CLYBL: variants seen among roughly 807,000 people sequenced by gnomAD.
CLYBL encodes citramalyl-CoA lyase, mitochondrial.
In CLYBL, 31 loss-of-function variants were observed where a neutral mutation model predicts 38.9. The observed-to-expected ratio is 0.80, with a 90% CI of 0.60 to 1.08. The LOEUF (loss-of-function observed/expected upper bound fraction) is 1.08, where lower values mean the gene tolerates loss of function less well. Ranked by LOEUF, CLYBL falls within the 50% of genes least tolerant of loss-of-function variation. CLYBL has a pLI of 0.00. For synonymous variants in CLYBL, 171 were observed against 158.6 expected, an observed-to-expected ratio of 1.08 and a Z score of -0.59; for missense variants, 434 against 411.6, an observed-to-expected ratio of 1.05 and a Z score of -0.47.
intron 2 of CLYBL, among the ~76,000 whole-genome samples, chr13:99,853,265 A>G (rs557064304): frequency 5.3e-5 from 8 of 152,160 alleles, no homozygotes; most frequent in African/African-American, 1.9e-4. Context: ...TACCAATTAT[A>G]TATTATAAGC....
chr13:99,767,629 A>G (rs1271319654), intron 1 of CLYBL, among the ~76,000 whole-genome samples: 1 of 151,684 alleles, frequency 6.6e-6, no homozygotes, highest in African/African-American at 2.4e-5. Flanking sequence ...TTTAGGCTCT[A>G]TTCACTTCTC....
chr13:99,760,286 C>T (rs1008853696), intron 1 of CLYBL, among the ~76,000 whole-genome samples: 4 of 152,114 alleles, frequency 2.6e-5, no homozygotes, highest in African/African-American at 4.8e-5. Context: ...CATTGATTTT[C>T]TCTGTTGCTT....
chr13:99,857,395 G>GGAATAAAAC (rs1269268476), intron 2 of CLYBL, among the ~76,000 whole-genome samples: 2 of 150,918 alleles, frequency 1.3e-5, no homozygotes, highest in African/African-American at 4.9e-5. Flanking sequence ...TTATATCTAT[G>GGAATAAAAC]GAATAAAACA....
chr13:99,787,555 C>T (rs1290329657), intron 2 of CLYBL, among the ~76,000 whole-genome samples: 1 of 152,178 alleles, frequency 6.6e-6, no homozygotes, highest in Admixed American at 6.5e-5. Flanking sequence ...TTCCATTGGT[C>T]TGTATCTCTG....
At chr13:99,654,807 C>CA (rs1329301975) in intron 1 of CLYBL, among the ~76,000 whole-genome samples, 6 of 152,138 alleles carry the variant, frequency 3.9e-5, no homozygotes, top group African/African-American at 1.2e-4. Flanking sequence ...AGATCTAGAC[C>CA]ATCCTGGCTA....
In CLYBL at chr13:99,695,407, G is replaced by A. The variant is rs72653915; in HGVS notation, c.63-77417G>A. Among the ~76,000 whole-genome samples, 1,047 of 152,186 alleles carry A rather than the reference G, an allele frequency of 6.9e-3. 7 individuals carry two copies. The highest frequency in any genetic ancestry group is 0.011 in the Non-Finnish European group (770 of 68,020). Reference sequence around the variant, plus strand: ...GCCTCAAAGACCCAGGGAAAACCGCGTTTTTATGGACAGTCAAGCAGAAAT... The same window carrying A: ...GCCTCAAAGACCCAGGGAAAACCGCATTTTTATGGACAGTCAAGCAGAAAT... On this transcript the variant is annotated intron_variant, in intron 1 of 8. Transcript: ENST00000339105.
In CLYBL at chr13:99,804,370, T is replaced by C. The variant is rs190381487; in HGVS notation, c.249+31360T>C. On this transcript the variant is annotated intron_variant, in intron 2 of 8. Transcript: ENST00000339105. ...TAGAGAGCTTCTCTGTTGGTTATAC[T>C]GTTGCTGTTGTTTTTCTGAATTCCC... Among the ~76,000 whole-genome samples, 208 of 152,358 alleles carry C rather than the reference T, an allele frequency of 1.4e-3. 3 individuals carry two copies. The highest frequency in any genetic ancestry group is 4.4e-3 in the African/African-American group (183 of 41,584).
chr13:99,710,009 C>T (rs1055973567), intron 1 of CLYBL, among the ~76,000 whole-genome samples: 2 of 150,556 alleles, frequency 1.3e-5, no homozygotes, highest in Non-Finnish European at 3.0e-5. Flanking sequence ...CTGCAAGCTC[C>T]GCCTCCCAGG....
intron 1 of CLYBL, among the ~76,000 whole-genome samples, chr13:99,706,495 C>T (rs559002011): frequency 1.3e-5 from 2 of 152,228 alleles, no homozygotes; most frequent in African/African-American, 4.8e-5. Context: ...TTGGATTCCT[C>T]GTAATTTTGG....
intron 1 of CLYBL, among the ~76,000 whole-genome samples, chr13:99,613,022 GATGATAATAATAATAATA>G (rs1478362601): frequency 1.9e-4 from 26 of 136,878 alleles, no homozygotes; most frequent in South Asian, 9.1e-4. Context: ...TAAAAATAGT[GATGATAATAATAATAATA>G]ATAATAATAA....
At position 99,772,978 on chromosome 13, in the gene CLYBL, G is replaced by A. The variant is rs746942982; in HGVS notation, c.217G>A (p.Asp73Asn). 6.9e-5 allele frequency: 111 copies of A among 1,611,638 alleles called. No homozygotes were observed. In the South Asian group the frequency reaches 7.7e-4, roughly 11 times the overall value. ...CCTGAATGTAGATTGTGCAGTGCTC[G>A]ACTGTGAGGATGGAGTGGCTGCAAA... ...PSLNVDCAVL[D>N]CEDGVAANKK... The change falls in exon 2 of 9, where the codon GAC becomes AAC. Residue 73 changes from aspartate (D) to asparagine (N), a missense_variant. Physicochemically the swap from Asp to Asn is conservative, Grantham distance 23. Transcript: ENST00000339105.
intron 1 of CLYBL, among the ~76,000 whole-genome samples, chr13:99,651,537 T>TCCA (rs2047252881): frequency 6.6e-6 from 1 of 151,986 alleles, no homozygotes; most frequent in South Asian, 2.1e-4. Flanking sequence ...ACCACTGCAC[T>TCCA]CCAGCCTGGG....
intron 1 of CLYBL, among the ~76,000 whole-genome samples, chr13:99,626,772 T>C (rs2139220478): frequency 6.6e-6 from 1 of 152,230 alleles, no homozygotes; most frequent in Middle Eastern, 3.4e-3. Flanking sequence ...AGTTTAAATG[T>C]CAATTACCAA....
intron 1 of CLYBL, among the ~76,000 whole-genome samples, chr13:99,681,458 T>TATGGAGAG (rs1356602112): frequency 6.6e-6 from 1 of 152,108 alleles, no homozygotes; most frequent in Non-Finnish European, 1.5e-5. Context: ...TATTTATACA[T>TATGGAGAG]ATGGAGAGAG....
chr13:99,648,214 C>T (rs908928614), intron 1 of CLYBL, among the ~76,000 whole-genome samples: 1 of 151,952 alleles, frequency 6.6e-6, no homozygotes, highest in Non-Finnish European at 1.5e-5. Context: ...ATGGAAAATC[C>T]GTAGTTGTGG....
chr13:99,654,106 G>A (rs534325805), intron 1 of CLYBL, among the ~76,000 whole-genome samples: 1 of 152,226 alleles, frequency 6.6e-6, no homozygotes, highest in South Asian at 2.1e-4. Flanking sequence ...GTGGGGTAGG[G>A]GGACACATGC....
At chr13:99,711,561 C>T (rs2048233348) in intron 1 of CLYBL, among the ~76,000 whole-genome samples, 2 of 151,824 alleles carry the variant, frequency 1.3e-5, no homozygotes, top group South Asian at 4.2e-4. Context: ...CATGCACCAC[C>T]ACGCCCGGCT....
At chr13:99,625,460 ATTACTGG>A in intron 1 of CLYBL, among the ~76,000 whole-genome samples, 1 of 152,338 alleles carries the variant, frequency 6.6e-6, no homozygotes, top group Non-Finnish European at 1.5e-5. Flanking sequence ...CATCTTATTA[ATTACTGG>A]TTTGGGGAAT....
chr13:99,895,640 G>A (rs2052566317), downstream of CLYBL: 1 of 152,208 alleles, frequency 6.6e-6, no homozygotes, highest in Non-Finnish European at 1.5e-5. Context: ...CGGCAGCTCT[G>A]CGCGGGCTGG....
Sources: allele counts gnomAD v4.1 joint callset (sites outside exome capture counted in the v4.1 genomes callset), GRCh38; gene constraint gnomAD v4.1.1; transcripts MANE v1.5; gene names NCBI Gene and HGNC (gene_info 2026-07-23, HGNC 2026-07-21).